Variants in RABEP1 observed in about 807,000 individuals in gnomAD.
RABEP1 encodes the protein rabaptin, RAB GTPase binding effector protein 1.
In RABEP1, 51 loss-of-function variants were observed where a neutral mutation model predicts 123.4. The observed-to-expected ratio is 0.41, with a 90% confidence interval of 0.33 to 0.52. The LOEUF (loss-of-function observed/expected upper bound fraction) is 0.52. Among genes scored for constraint, RABEP1 ranks in the 20% least tolerant of loss-of-function variants. The probability of loss-of-function intolerance (pLI) is 0.16; values close to 1 mark genes in which losing one functional copy is unlikely to be tolerated. For missense variants in RABEP1, 888 were observed against 996.3 expected, an observed-to-expected ratio of 0.89 and a Z score of 1.46; for synonymous variants, 347 against 355.2, an observed-to-expected ratio of 0.98 and a Z score of 0.26.
chr17:5,382,378 G>A (rs899030506), intron 17 of RABEP1, among the ~76,000 whole-genome samples: 4 of 151,572 alleles, frequency 2.6e-5, no homozygotes, highest in Non-Finnish European at 4.4e-5. Flanking sequence ...CACCGTGCCC[G>A]GACTGGAACT....
intron 3 of RABEP1, 109 bp downstream of exon 3, chr17:5,332,261 T>G: frequency 2.0e-6 from 2 of 1,016,324 alleles, no homozygotes; most frequent in Admixed American, 2.5e-5. Flanking sequence ...ATTTGTGGTT[T>G]TATGTACTGT....
At chr17:5,333,495 A>G (rs906271618) in intron 3 of RABEP1, among the ~76,000 whole-genome samples, 4 of 152,116 alleles carry the variant, frequency 2.6e-5, no homozygotes, top group African/African-American at 9.7e-5. Context: ...TGAAATAGTG[A>G]TGACTTTTTC....
chr17:5,331,114 A>G (rs1443663537), intron 2 of RABEP1, among the ~76,000 whole-genome samples: 1 of 149,882 alleles, frequency 6.7e-6, no homozygotes, highest in Admixed American at 6.7e-5. Context: ...CTTAATATCC[A>G]GAATATATAA....
Position 5,368,300 on chromosome 17 carries a change from G to A in RABEP1, c.1786-70G>A, listed in dbSNP as rs1006885674. 7 of 1,059,702 alleles carry A rather than the reference G, an allele frequency of 6.6e-6. No homozygotes were observed. The African/African-American group carries it at 9.5e-5, about 14-fold the overall frequency. 65.6% of individuals were successfully genotyped at this position (1,059,702 alleles called of 1,614,324 possible). A position where few individuals can be genotyped will look rare whatever the true frequency, so the allele number is the denominator to read the frequency against. On this transcript the variant is annotated intron_variant, in intron 11 of 17. Transcript: ENST00000537505. ...GTCAATTCCAGACACTAAATAGTTAGAAGATGGAAGAGTTAGTTTCAGAAT... is the reference window on the plus strand; with the variant it reads ...GTCAATTCCAGACACTAAATAGTTAAAAGATGGAAGAGTTAGTTTCAGAAT...
intron 17 of RABEP1, among the ~76,000 whole-genome samples, 195 bp from the exon 18 acceptor site, chr17:5,382,923 TCCCC>T (rs145538993): frequency 0.023 from 3,470 of 150,710 alleles, 125 homozygotes; most frequent in African/African-American, 0.081. Context: ...AGCAAAACTC[TCCCC>T]CCCAAAAAAA....
At chr17:5,370,752 G>C (rs542117978) in intron 12 of RABEP1, among the ~76,000 whole-genome samples, 2 of 152,226 alleles carry the variant, frequency 1.3e-5, no homozygotes, top group East Asian at 3.9e-4. Context: ...TTGATCACTC[G>C]GTTAAGGTGG....
intron 2 of RABEP1, among the ~76,000 whole-genome samples, chr17:5,312,186 G>A (rs1373522971): frequency 2.0e-5 from 3 of 151,910 alleles, no homozygotes; most frequent in African/African-American, 7.3e-5. Context: ...TCACTTTTTC[G>A]CTCAGGCTGG....
In RABEP1 at chr17:5,368,365, T is replaced by TA. The variant is rs745488291; in HGVS notation, c.1786-2dup. ...CTATGTTTCTATACATGTGTTTTTT[T>TA]AAAGATCTCTGCACTCGTCCTAAGA... On this transcript the variant is annotated splice_polypyrimidine_tract_variant and splice_region_variant and intron_variant, in intron 11 of 17. Transcript: ENST00000537505. 25 of 1,597,672 alleles carry TA rather than the reference T, an allele frequency of 1.6e-5. No individual in the cohort carries two copies. The highest frequency in any genetic ancestry group is 2.1e-5 in the Non-Finnish European group (25 of 1,169,538).
intron 10 of RABEP1, 93 bp from the exon 11 acceptor site, chr17:5,365,029 G>A: frequency 2.6e-6 from 2 of 762,362 alleles, no homozygotes; most frequent in Non-Finnish European, 4.2e-6. Flanking sequence ...AAAGACATAA[G>A]AGATTTTTTT....
chr17:5,376,281 A>G (rs1362628466), intron 13 of RABEP1, among the ~76,000 whole-genome samples: 1 of 152,096 alleles, frequency 6.6e-6, no homozygotes, highest in Non-Finnish European at 1.5e-5. Flanking sequence ...TGATTATGCC[A>G]TTGCACTCCA....
chr17:5,310,295 T>G (rs2144526521), intron 2 of RABEP1, among the ~76,000 whole-genome samples: 1 of 139,936 alleles, frequency 7.1e-6, no homozygotes, highest in Middle Eastern at 3.6e-3. Context: ...AAATGAAAGC[T>G]TCGTCCTTTT....
chr17:5,377,923 A>G (rs777081126), intron 14 of RABEP1, among the ~76,000 whole-genome samples: 1 of 152,140 alleles, frequency 6.6e-6, no homozygotes, highest in Non-Finnish European at 1.5e-5. Flanking sequence ...ACGTGATTCA[A>G]TGGGTGGCAT....
chr17:5,371,527 T>G (rs2144707607), intron 12 of RABEP1: 1 of 152,280 alleles, frequency 6.6e-6, no homozygotes, highest in Non-Finnish European at 1.5e-5. Context: ...CAGAAGGTGG[T>G]GGGATACTAA....
At chr17:5,302,521 A>G (rs1252406530) in intron 1 of RABEP1, among the ~76,000 whole-genome samples, 1 of 150,936 alleles carries the variant, frequency 6.6e-6, no homozygotes, top group Non-Finnish European at 1.5e-5. Context: ...GATTACAGTC[A>G]TGAGCCACCA....
intron 2 of RABEP1, among the ~76,000 whole-genome samples, chr17:5,310,799 A>G (rs1443262445): frequency 2.0e-5 from 3 of 146,700 alleles, no homozygotes; most frequent in Non-Finnish European, 4.5e-5. Context: ...TTGAGTGTGC[A>G]TTTGTTTCAT....
intron 2 of RABEP1, among the ~76,000 whole-genome samples, chr17:5,319,553 G>C (rs919391131): frequency 6.6e-6 from 1 of 151,810 alleles, no homozygotes; most frequent in African/African-American, 2.4e-5. Context: ...TTTTAGTAGA[G>C]ATGGGGTTTC....
At chr17:5,295,514 C>T (rs972997315) in intron 1 of RABEP1, among the ~76,000 whole-genome samples, 1 of 151,776 alleles carries the variant, frequency 6.6e-6, no homozygotes, top group Non-Finnish European at 1.5e-5. Context: ...TCAAAGGACA[C>T]TGCGGCAAAC....
intron 6 of RABEP1, 37 bp from the exon 7 acceptor site, chr17:5,350,414 A>C (rs1425271506): frequency 6.4e-7 from 1 of 1,569,814 alleles, no homozygotes. Context: ...ATTAAAATTC[A>C]GTGTTTTTGA....
At chr17:5,367,119 T>A (rs9747449) in intron 11 of RABEP1, among the ~76,000 whole-genome samples, 2 of 151,440 alleles carry the variant, frequency 1.3e-5, no homozygotes, top group African/African-American at 4.9e-5. Context: ...ATTTATTAAT[T>A]ATTTCTTTAT....
Sources: allele counts gnomAD v4.1 joint callset (sites outside exome capture counted in the v4.1 genomes callset), GRCh38; gene constraint gnomAD v4.1.1; transcripts MANE v1.5; gene names NCBI Gene and HGNC (gene_info 2026-07-23, HGNC 2026-07-21).